Variants in NSRP1 observed in about 807,000 individuals in gnomAD.
NSRP1 encodes the protein nuclear speckle splicing regulatory protein 1.
A neutral mutation model predicts 54.7 loss-of-function variants in NSRP1; 24 were observed. That is an observed-to-expected ratio of 0.44 (90% CI 0.32 to 0.62). The LOEUF (loss-of-function observed/expected upper bound fraction) is 0.62, where lower values mean the gene tolerates loss of function less well. Among genes scored for constraint, NSRP1 ranks in the 20% least tolerant of loss-of-function variants. NSRP1 has a pLI of 0.06. For synonymous variants in NSRP1, 210 were observed against 213.8 expected (o/e 0.98, Z 0.15); for missense variants, 596 against 651.2 (o/e 0.92, Z 0.92).
intron 2 of NSRP1, among the ~76,000 whole-genome samples, chr17:30,140,209 A>G (rs980286196): frequency 3.9e-5 from 6 of 152,188 alleles, no homozygotes; most frequent in Admixed American, 3.3e-4. Flanking sequence ...GAAACTAGTT[A>G]TTTTTCACAA....
chr17:30,141,032 G>A (rs1367763227), intron 2 of NSRP1, among the ~76,000 whole-genome samples: 1 of 152,040 alleles, frequency 6.6e-6, no homozygotes, highest in Admixed American at 6.6e-5. Context: ...TGTTGTCCAG[G>A]CTGGTCTTAA....
At chr17:30,145,546 G>A (rs2071846866) in intron 2 of NSRP1, among the ~76,000 whole-genome samples, 4 of 152,106 alleles carry the variant, frequency 2.6e-5, no homozygotes, top group Admixed American at 2.6e-4. Context: ...TCACGCCACT[G>A]CACTCCATCC....
At chr17:30,137,246 T>G (rs1461955433) in intron 2 of NSRP1, among the ~76,000 whole-genome samples, 1 of 152,228 alleles carries the variant, frequency 6.6e-6, no homozygotes, top group African/African-American at 2.4e-5. Context: ...TCACAAATCA[T>G]CTTATTTACA....
rs554642520 is a variant in NSRP1 at position 30,130,102 on chromosome 17, A to G, written c.114+11929A>G. Among the ~76,000 whole-genome samples the G allele has an allele frequency of 5.9e-5, 9 of 152,156 alleles. No individual in the cohort carries two copies. The South Asian group carries it at 1.9e-3, about 32-fold the overall frequency. ...TCCTTATTTTTCTTTTTCTTTTTTA[A>G]AATATTTCATTTTGAGACAGGGACT... On this transcript the variant is annotated intron_variant, in intron 2 of 6. Coordinates refer to ENST00000247026, the MANE Select transcript of NSRP1 (RefSeq NM_032141.4).
intron 2 of NSRP1, among the ~76,000 whole-genome samples, chr17:30,139,240 G>T (rs944564495): frequency 3.3e-5 from 5 of 151,868 alleles, no homozygotes; most frequent in African/African-American, 1.2e-4. Flanking sequence ...TTTTAATCCG[G>T]GTTTTTGTTT....
intron 5 of NSRP1, 68 bp downstream of exon 5, chr17:30,179,365 T>C (rs1339163401): frequency 1.4e-6 from 2 of 1,464,894 alleles, no homozygotes; most frequent in East Asian, 2.4e-5. Flanking sequence ...GTTAGCTGTT[T>C]GCTCTGTCAC....
chr17:30,182,048 CTTT>C (rs10549815), intron 6 of NSRP1, among the ~76,000 whole-genome samples: 2,259 of 98,324 alleles, frequency 0.023, 80 homozygotes, highest in African/African-American at 0.081. Context: ...CACCTGGCTG[CTTT>C]TTTTTTTTTT....
chr17:30,164,748 T>C (rs949988570), intron 2 of NSRP1, among the ~76,000 whole-genome samples: 5 of 152,034 alleles, frequency 3.3e-5, no homozygotes, highest in African/African-American at 1.2e-4. Context: ...CAGTGTGCTG[T>C]CTTCATGTCA....
intron 2 of NSRP1, chr17:30,122,365 ATATATATATATATATATATATTTTTTTT>A (rs2071607696): frequency 5.9e-5 from 1 of 16,848 alleles, no homozygotes; most frequent in Non-Finnish European, 1.3e-4. Context: ...ATATATATAT[ATATATATATATATATATATATTTTTTTT>A]TTTTTTTTTT....
chr17:30,173,324 A>G (rs1905023020), intron 3 of NSRP1, among the ~76,000 whole-genome samples: 1 of 152,170 alleles, frequency 6.6e-6, no homozygotes, highest in African/African-American at 2.4e-5. Context: ...TATCTTTTAC[A>G]GTTCTCACAA....
In NSRP1 at chr17:30,185,178, GAGAT is replaced by G; in HGVS notation, c.1185_1188del (p.Arg396AsnfsTer25). On this transcript the variant is annotated frameshift_variant, in exon 7 of 7. Transcript: ENST00000247026. LOFTEE classifies it high-confidence loss of function. ...AAATATTCCCAAAGAGAACAAGAAA[GAGAT>G]AGACAACAAAATGATCAGAACCGAC... The G allele has an allele frequency of 1.3e-6, 2 of 1,575,442 alleles. No homozygotes were observed. The highest frequency in any genetic ancestry group is 1.4e-5 in the African/African-American group (1 of 73,782).
intron 2 of NSRP1, among the ~76,000 whole-genome samples, chr17:30,140,323 T>G (rs2071791727): frequency 6.6e-6 from 1 of 152,142 alleles, no homozygotes; most frequent in Non-Finnish European, 1.5e-5. Flanking sequence ...TGGTAAATAT[T>G]GACAGCTAAA....
chr17:30,185,128 A>G lies in NSRP1; in HGVS notation c.1131A>G (p.Val377=). The change falls in exon 7 of 7, where the codon GTA becomes GTG. Residue 377 remains valine (V), a synonymous_variant. Transcript: ENST00000247026. The part of the protein sequence containing the change: ...ARDQRERSDR[V]WKREKDREKY... Reference sequence around the variant, plus strand: ...ACCAAAGAGAAAGAAGTGACAGAGTATGGAAAAGGGAGAAAGATAGGGAGA... The same window carrying G: ...ACCAAAGAGAAAGAAGTGACAGAGTGTGGAAAAGGGAGAAAGATAGGGAGA... 1.9e-6 allele frequency: 3 copies of G among 1,609,188 alleles called. No homozygotes were observed. Among genetic ancestry groups the G allele is most frequent in the South Asian group, 1.1e-5 (1 of 90,454 alleles).
At chr17:30,140,039 A>G (rs994880940) in intron 2 of NSRP1, among the ~76,000 whole-genome samples, 2 of 152,002 alleles carry the variant, frequency 1.3e-5, no homozygotes, top group Admixed American at 1.3e-4. Flanking sequence ...AAAAGACATT[A>G]TTTGCTTTTT....
At position 30,185,887 on chromosome 17, in the gene NSRP1, A is replaced by G. The variant is rs1438303502; in HGVS notation, c.*213A>G. ...TATATAGTGTGTACTCATCAATACC[A>G]CATTCTTTGTTGTATTCAAGAACCG... On this transcript the variant is annotated 3_prime_UTR_variant, in exon 7 of 7. Transcript: ENST00000247026. 1 of 386,198 alleles carries G rather than the reference A, an allele frequency of 2.6e-6. No homozygotes were observed. Among genetic ancestry groups the G allele is most frequent in the Non-Finnish European group, 4.5e-6 (1 of 220,666 alleles). 23.9% of individuals were successfully genotyped at this position (386,198 alleles called of 1,614,324 possible). A position where few individuals can be genotyped will look rare whatever the true frequency, so the allele number is the denominator to read the frequency against.
At chr17:30,159,666 A>T (rs1487241100) in intron 2 of NSRP1, among the ~76,000 whole-genome samples, 1 of 151,410 alleles carries the variant, frequency 6.6e-6, no homozygotes, top group African/African-American at 2.4e-5. Flanking sequence ...TTATTTGTTT[A>T]TTTATTTTTT....
At chr17:30,184,094 C>T (rs150414615) in intron 6 of NSRP1, among the ~76,000 whole-genome samples, 4 of 152,188 alleles carry the variant, frequency 2.6e-5, no homozygotes, top group African/African-American at 9.6e-5. Flanking sequence ...CCCAACTACT[C>T]GGGAAGCTAA....
At chr17:30,176,361 T>C (rs1008770278) in intron 3 of NSRP1, among the ~76,000 whole-genome samples, 48 of 152,196 alleles carry the variant, frequency 3.2e-4, no homozygotes, top group African/African-American at 8.7e-4. Flanking sequence ...ATGTAATCCC[T>C]GTACTTTGGA....
At chr17:30,171,987 CT>C (rs1192192219) in intron 2 of NSRP1, among the ~76,000 whole-genome samples, 1 of 112,268 alleles carries the variant, frequency 8.9e-6, no homozygotes, top group Non-Finnish European at 2.1e-5. Flanking sequence ...CTCTCTCTCT[CT>C]CTCTCTCTCT....
Sources: allele counts gnomAD v4.1 joint callset (sites outside exome capture counted in the v4.1 genomes callset), GRCh38; gene constraint gnomAD v4.1.1; transcripts MANE v1.5; gene names NCBI Gene and HGNC (gene_info 2026-07-23, HGNC 2026-07-21).